PPP4R3A: variants seen among roughly 807,000 people sequenced by gnomAD.
The protein encoded by PPP4R3A is serine/threonine-protein phosphatase 4 regulatory subunit 3A.
In PPP4R3A, 15 loss-of-function variants were observed where a neutral mutation model predicts 91.7. The observed-to-expected ratio is 0.16, with a 90% CI of 0.11 to 0.25. The LOEUF is 0.25. Ranked by LOEUF, PPP4R3A falls within the 10% of genes least tolerant of loss-of-function variation. The probability of loss-of-function intolerance (pLI) is 1.00; values close to 1 mark genes in which losing one functional copy is unlikely to be tolerated. For synonymous variants in PPP4R3A, 377 were observed against 348.7 expected, an observed-to-expected ratio of 1.08 and a Z score of -0.91; for missense variants, 623 against 998.4, an observed-to-expected ratio of 0.62 and a Z score of 5.07.
intron 4 of PPP4R3A, among the ~76,000 whole-genome samples, chr14:91,478,330 A>G (rs1889333768): frequency 6.6e-6 from 1 of 152,242 alleles, no homozygotes; most frequent in African/African-American, 2.4e-5. Flanking sequence ...AGAGAAAATA[A>G]GAATGTTTAT....
At chr14:91,466,462 T>G (rs1888472981) in intron 10 of PPP4R3A, 1 of 985,654 alleles carries the variant, frequency 1.0e-6, no homozygotes, top group African/African-American at 1.7e-5. Context: ...TTTTCTTTAG[T>G]TGGCAGAAAA....
chr14:91,490,121 CTG>C (rs989358868), intron 2 of PPP4R3A, among the ~76,000 whole-genome samples: 3 of 152,214 alleles, frequency 2.0e-5, no homozygotes, highest in African/African-American at 7.2e-5. Context: ...TCCTGTGTGT[CTG>C]TGTGGGTGTA....
intron 7 of PPP4R3A, among the ~76,000 whole-genome samples, chr14:91,473,860 C>T (rs182032719): frequency 3.9e-5 from 6 of 152,240 alleles, no homozygotes; most frequent in African/African-American, 9.6e-5. Context: ...ACCTCCACCT[C>T]CCGGGTTCAA....
intron 2 of PPP4R3A, among the ~76,000 whole-genome samples, chr14:91,490,485 T>C (rs755982947): frequency 6.6e-6 from 1 of 152,230 alleles, no homozygotes; most frequent in Non-Finnish European, 1.5e-5. Context: ...TCACCTTTTT[T>C]TTTTAGGTAA....
At chr14:91,501,957 C>T (rs895564861) in intron 1 of PPP4R3A, among the ~76,000 whole-genome samples, 2 of 146,756 alleles carry the variant, frequency 1.4e-5, no homozygotes, top group East Asian at 2.0e-4. Flanking sequence ...CTCTTGACCT[C>T]GTGATCTGCC....
At chr14:91,507,049 T>C (rs959987025) in intron 1 of PPP4R3A, among the ~76,000 whole-genome samples, 2 of 152,116 alleles carry the variant, frequency 1.3e-5, no homozygotes, top group Non-Finnish European at 2.9e-5. Flanking sequence ...TTCGGCGCAG[T>C]GGCTCACGCC....
chr14:91,489,972 T>C (rs549022447), intron 2 of PPP4R3A, among the ~76,000 whole-genome samples: 2 of 152,258 alleles, frequency 1.3e-5, no homozygotes, highest in Non-Finnish European at 2.9e-5. Context: ...CTTTCTAGTA[T>C]TTTAAAGATC....
chr14:91,462,147 T>C lies in PPP4R3A; in HGVS notation c.2066A>G (p.Asp689Gly). The C allele has an allele frequency of 6.2e-7, 1 of 1,609,280 alleles. No individual in the cohort carries two copies. The highest frequency in any genetic ancestry group is 1.1e-5 in the South Asian group (1 of 89,986). ...EEMWFNTDED[D>G]MEDGEAVVSP... ...CACTACAGCTTCTCCATCTTCCATG[T>C]CATCTTCATCTGTGTTAAACCACAT... is the stretch of plus-strand genomic sequence containing the variant. The change falls in exon 13 of 15, where the codon GAC (aspartate) becomes GGC (glycine). Residue 689 changes from aspartate (D) to glycine (G), a missense_variant. Physicochemically the swap from Asp to Gly is moderately conservative, Grantham distance 94. Transcript: ENST00000554943.
At chr14:91,464,621 T>C (rs1006230662) in intron 11 of PPP4R3A, among the ~76,000 whole-genome samples, 2 of 151,964 alleles carry the variant, frequency 1.3e-5, no homozygotes, top group Non-Finnish European at 1.5e-5. Flanking sequence ...CCAGATAAAT[T>C]TGCACAGCAT....
At chr14:91,497,289 T>C (rs1254251687) in intron 1 of PPP4R3A, among the ~76,000 whole-genome samples, 1 of 151,914 alleles carries the variant, frequency 6.6e-6, no homozygotes, top group Non-Finnish European at 1.5e-5. Flanking sequence ...GAAACACATC[T>C]ATCCTCTCCA....
chr14:91,462,945 AAT>A, intron 11 of PPP4R3A, 68 bp from the exon 12 acceptor site: 5 of 1,223,700 alleles, frequency 4.1e-6, no homozygotes, highest in Non-Finnish European at 4.6e-6. Flanking sequence ...GGCTTAATTT[AAT>A]CAATTCATAC....
intron 2 of PPP4R3A, among the ~76,000 whole-genome samples, chr14:91,490,065 C>A (rs936759869): frequency 6.6e-5 from 10 of 152,154 alleles, no homozygotes; most frequent in African/African-American, 2.4e-4. Context: ...ATCTTCTGGG[C>A]AATGAGGGAA....
intron 3 of PPP4R3A, among the ~76,000 whole-genome samples, chr14:91,484,011 T>G (rs1047034936): frequency 2.6e-5 from 4 of 152,162 alleles, no homozygotes; most frequent in African/African-American, 9.7e-5. Context: ...AGAACAAGAT[T>G]TGTCTGAATA....
Position 91,481,616 on chromosome 14 carries a change from A to C in PPP4R3A, c.875T>G (p.Phe292Cys). 6.3e-7 allele frequency: 1 copy of C among 1,594,626 alleles called. No homozygotes were observed. ...AATCTCTACCTTATTGAAAAAGATA[A>C]AAGAGTGAAGTGTTGATAACATGTT... ...EENMLSTLHS[F>C]IFFNKVEIVG... Residue 292 changes from phenylalanine (F) to cysteine (C), a missense_variant, in exon 4 of 15, where the codon TTT (phenylalanine) becomes TGT (cysteine). This residue lies in a region of PPP4R3A where 264 missense variants were observed against 377.3 expected (regional missense o/e 0.70). Transcript: ENST00000554943.
At chr14:91,507,417 AT>A (rs1207053208) in intron 1 of PPP4R3A, among the ~76,000 whole-genome samples, 13,952 of 85,798 alleles carry the variant, frequency 0.16, 3,235 homozygotes, top group Non-Finnish European at 0.21. Context: ...TATATACTAT[AT>A]AATATATATA....
intron 4 of PPP4R3A, 124 bp from the exon 5 acceptor site, chr14:91,477,110 C>CT (rs66932962): frequency 0.57 from 246,516 of 428,864 alleles, 54,969 homozygotes; most frequent in African/African-American, 0.86. Context: ...GCAATGCTGT[C>CT]TTTTTTTTTT....
chr14:91,465,497 C>G (rs891525742), intron 10 of PPP4R3A, 78 bp from the exon 11 acceptor site: 1 of 1,344,676 alleles, frequency 7.4e-7, no homozygotes, highest in African/African-American at 1.5e-5. Context: ...AAATAACCAT[C>G]AAACCAAAAA....
intron 1 of PPP4R3A, among the ~76,000 whole-genome samples, chr14:91,508,438 C>T (rs1254332275): frequency 6.6e-6 from 1 of 152,070 alleles, no homozygotes; most frequent in Non-Finnish European, 1.5e-5. Context: ...TACAGAATCG[C>T]TACAATCATA....
At chr14:91,459,110 AT>A (rs200397668) in intron 14 of PPP4R3A, among the ~76,000 whole-genome samples, 5 of 150,716 alleles carry the variant, frequency 3.3e-5, no homozygotes, top group African/African-American at 9.8e-5. Flanking sequence ...TAAAGCAAAA[AT>A]TTTTTTTTTC....
Sources: gnomAD v4.1 joint callset for allele counts (sites outside exome capture counted in the v4.1 genomes callset) on GRCh38, gnomAD v4.1.1 for gene constraint, gnomAD v4.1.1 regional missense constraint, MANE v1.5 for transcripts, NCBI Gene and HGNC (gene_info 2026-07-23, HGNC 2026-07-21) for gene names.